TRRAP: variants seen among roughly 807,000 people sequenced by gnomAD.
The protein encoded by TRRAP is transformation/transcription domain-associated protein.
Under a neutral mutation model 438.8 loss-of-function variants are expected in TRRAP, and 41 were observed. The ratio of observed to expected loss-of-function variants is 0.09; its 90% CI spans 0.07 to 0.12. TRRAP has a LOEUF of 0.12. TRRAP is among the 10% of genes least tolerant of loss of function. The pLI, the probability that TRRAP is intolerant of heterozygous loss-of-function variation, is 1.00. For missense variants in TRRAP, 3,122 were observed against 5,055.1 expected, an observed-to-expected ratio of 0.62 and a Z score of 11.60; for synonymous variants, 1,994 against 1,962.9, an observed-to-expected ratio of 1.02 and a Z score of -0.42.
chr7:98,990,655 A>G (rs1237177825), intron 64 of TRRAP, 36 bp downstream of exon 64: 2 of 1,574,876 alleles, frequency 1.3e-6, no homozygotes. Context: ...CACGTGCACA[A>G]AACATTGTGT....
chr7:98,988,725 T>C (rs758364037), intron 62 of TRRAP, 40 bp from the exon 63 acceptor site: 33 of 1,602,380 alleles, frequency 2.1e-5, no homozygotes, highest in Middle Eastern at 1.7e-4. Flanking sequence ...CTCGCTTCAA[T>C]TGAAAACCAT....
At chr7:98,979,020 T>G in intron 58 of TRRAP, 116 bp downstream of exon 58, 1 of 1,361,888 alleles carries the variant, frequency 7.3e-7, no homozygotes, top group South Asian at 1.3e-5. Context: ...AGACAGCTTT[T>G]GGGAAGGAAA....
rs1792432540 is a variant in TRRAP, at chr7:98,971,830, G to C, written c.7724G>C (p.Gly2575Ala). ...GAGATAGACATCGAACTAGCTCCTG[G>C]GGATCAGACCAGCACGCCCAAAACC... ...DVEIDIELAP[G>A]DQTSTPKTKE... is the part of the protein sequence containing the mutation. Residue 2575 changes from glycine to alanine, a missense_variant, in exon 53 of 73, where the codon GGG (glycine) becomes GCG (alanine). Coordinates refer to ENST00000456197, the MANE Select transcript of TRRAP (RefSeq NM_001375524.1). 1 of 1,613,950 alleles carries C rather than the reference G, an allele frequency of 6.2e-7. No homozygotes were observed. Among genetic ancestry groups the C allele is most frequent in the Non-Finnish European group, 8.5e-7 (1 of 1,180,026 alleles).
intron 31 of TRRAP, among the ~76,000 whole-genome samples, chr7:98,945,240 G>GCA (rs1285922567): frequency 6.6e-6 from 1 of 152,086 alleles, no homozygotes; most frequent in African/African-American, 2.4e-5. Context: ...ATACATGCGT[G>GCA]CACACACACA....
chr7:98,905,675 A>G (rs761817492), intron 12 of TRRAP, among the ~76,000 whole-genome samples: 1 of 152,232 alleles, frequency 6.6e-6, no homozygotes, highest in Non-Finnish European at 1.5e-5. Flanking sequence ...CATCCAGGGA[A>G]TGCAGAACCG....
chr7:98,946,333 C>G (rs1356651565), intron 33 of TRRAP, among the ~76,000 whole-genome samples: 1 of 152,182 alleles, frequency 6.6e-6, no homozygotes, highest in East Asian at 1.9e-4. Context: ...TGTTCTTTCA[C>G]ACTACTGACT....
At position 98,880,265 on chromosome 7, in the gene TRRAP, T is replaced by TTGTTTG. The variant is rs1474982624; in HGVS notation, c.-61-824_-61-823insGTTTGT. 5.0e-4 allele frequency among the ~76,000 whole-genome samples: 68 copies of TTGTTTG among 137,008 alleles called. No homozygotes were observed. The East Asian group carries it at 0.012, about 23-fold the overall frequency. 89.9% of individuals were successfully genotyped at this position (137,008 alleles called of 152,430 possible). ...CCTGCGTTTTGTTGTTGTTGTTGTTTTTTTTTTTTTTTTTCCGAGACTGAA... is the reference window on the plus strand; with the variant it reads ...CCTGCGTTTTGTTGTTGTTGTTGTTTTGTTTGTTTTTTTTTTTTTTCCGAGACTGAA... On this transcript the variant is annotated intron_variant, in intron 1 of 72. Transcript: ENST00000456197.
At chr7:99,000,421 C>T (rs534087866) in intron 67 of TRRAP, among the ~76,000 whole-genome samples, 1 of 152,242 alleles carries the variant, frequency 6.6e-6, no homozygotes, top group Non-Finnish European at 1.5e-5. Flanking sequence ...ACTACATATA[C>T]TATGGAAATC....
rs782385402 is a variant in TRRAP at position 98,953,205 on chromosome 7, G to A, written c.5502G>A (p.Ser1834=). The A allele has an allele frequency of 2.4e-5, 39 of 1,612,870 alleles. No homozygotes were observed. Among genetic ancestry groups the A allele is most frequent in the South Asian group, 7.7e-5 (7 of 91,034 alleles). ...DPEKQADMLD[S]LRIYLLQYAT... ...AGAAGCAGGCGGACATGCTGGACTC[G>A]CTGCGGATCTACCTGCTGCAGTACG... The change falls in exon 40 of 73, where the codon TCG becomes TCA. Residue 1834 remains serine, a synonymous_variant. Coordinates refer to ENST00000456197, the MANE Select transcript of TRRAP (RefSeq NM_001375524.1).
chr7:98,917,655 G>A lies in TRRAP; in HGVS notation c.2598G>A (p.Gln866=), dbSNP rs782498110. ...LQPDFLYDHI[Q]PVRAELMQAL... ...CCGACTTCCTCTACGACCACATCCA[G>A]CCGGTGCGCGCAGAGCTCATGCAGG... Residue 866 remains glutamine, a synonymous_variant, in exon 20 of 73, where the codon CAG becomes CAA. Transcript: ENST00000456197. The A allele has an allele frequency of 6.2e-7, 1 of 1,614,188 alleles. No individual in the cohort carries two copies. Among genetic ancestry groups the A allele is most frequent in the Admixed American group, 1.7e-5 (1 of 60,012 alleles).
At chr7:98,927,070 G>C (rs1283602163) in intron 22 of TRRAP, 97 bp from the exon 23 acceptor site, 8 of 1,337,050 alleles carry the variant, frequency 6.0e-6, no homozygotes, top group Non-Finnish European at 6.3e-6. Context: ...CTGAATAAGA[G>C]GGAAGCAAGC....
chr7:98,881,936 A>G (rs781867068), intron 2 of TRRAP, 39 bp from the exon 3 acceptor site: 61 of 1,592,424 alleles, frequency 3.8e-5, no homozygotes, highest in South Asian at 1.7e-4. Context: ...TTTCCTTAAC[A>G]TAATTTCAAT....
chr7:98,903,510 G>A lies in TRRAP; in HGVS notation c.1029G>A (p.Leu343=). 6.2e-7 allele frequency: 1 copy of A among 1,614,124 alleles called. No individual in the cohort carries two copies. Among genetic ancestry groups the A allele is most frequent in the Non-Finnish European group, 8.5e-7 (1 of 1,180,028 alleles). ...IAAKHILTTE[L]RNQFIPCMDK... ...CCAAACACATCCTCACCACAGAGCT[G>A]AGAAACCGTACGTCCAGCCTGTCTT... Residue 343 remains leucine (L), a synonymous_variant, in exon 12 of 73, where the codon CTG becomes CTA. Coordinates refer to ENST00000456197, the MANE Select transcript of TRRAP (RefSeq NM_001375524.1).
At position 99,012,399 on chromosome 7, in the gene TRRAP, C is replaced by G; in HGVS notation, c.*44C>G. 6.5e-7 allele frequency: 1 copy of G among 1,531,572 alleles called. No individual in the cohort carries two copies. Among genetic ancestry groups the G allele is most frequent in the Non-Finnish European group, 8.8e-7 (1 of 1,135,010 alleles). 94.9% of individuals were successfully genotyped at this position (1,531,572 alleles called of 1,614,324 possible). On this transcript the variant is annotated 3_prime_UTR_variant, in exon 73 of 73. Coordinates refer to ENST00000456197, the MANE Select transcript of TRRAP (RefSeq NM_001375524.1). The surrounding 1 kb of genome is among the most constrained non-coding windows in gnomAD (Gnocchi z 5.9). ...CCCGGAATGTGAAGGGCGCTCCGGG[C>G]TCTGAGCCCGCAGCTTTTACGACTT...
rs782332557 is a variant in TRRAP, at chr7:98,897,782, A to T, written c.549A>T (p.Thr183=). 1 of 1,614,026 alleles carries T rather than the reference A, an allele frequency of 6.2e-7. No individual in the cohort carries two copies. The highest frequency in any genetic ancestry group is 8.5e-7 in the Non-Finnish European group (1 of 1,180,002). Residue 183 remains threonine (T), a synonymous_variant, in exon 8 of 73, where the codon ACA becomes ACT. Transcript: ENST00000456197. ...ACCCTCAAGTGATCCCCGAGAACAC[A>T]GTGCCTCCCCCAGAAATGGTTGGTA... is the stretch of plus-strand genomic sequence containing the variant. ...FENPQVIPEN[T]VPPPEMVGMI... is the part of the protein sequence containing the mutation.
intron 10 of TRRAP, 99 bp downstream of exon 10, chr7:98,899,866 A>G: frequency 7.3e-7 from 1 of 1,369,380 alleles, no homozygotes; most frequent in Non-Finnish European, 1.0e-6. Flanking sequence ...TGAGTGATAA[A>G]ATTTTGGTAA....
chr7:98,899,294 A>C, intron 8 of TRRAP, 128 bp from the exon 9 acceptor site: 2 of 745,520 alleles, frequency 2.7e-6, no homozygotes, highest in Admixed American at 2.4e-5. Context: ...TTCATCACAA[A>C]TATTTACAAA....
intron 47 of TRRAP, 41 bp from the exon 48 acceptor site, chr7:98,964,588 G>T: frequency 1.3e-6 from 2 of 1,595,562 alleles, no homozygotes; most frequent in Admixed American, 1.8e-5. Context: ...TTTCGTGGTT[G>T]TTACTTTTCT....
intron 41 of TRRAP, 74 bp downstream of exon 41, chr7:98,955,378 T>C: frequency 1.4e-6 from 2 of 1,432,336 alleles, no homozygotes; most frequent in Non-Finnish European, 1.9e-6. Context: ...CTTGTCTTGT[T>C]CTGCAATAAT....
Sources: gnomAD v4.1 joint callset for allele counts (sites outside exome capture counted in the v4.1 genomes callset) on GRCh38, gnomAD v4.1.1 for gene constraint, Gnocchi (gnomAD v3.1) non-coding constraint, MANE v1.5 for transcripts, NCBI Gene and HGNC (gene_info 2026-07-23, HGNC 2026-07-21) for gene names.